The following POLR2F variants were observed in gnomAD, a reference collection of about 807,000 sequenced individuals.
POLR2F encodes RNA polymerase II, I and III subunit F.
A neutral mutation model predicts 22.7 loss-of-function variants in POLR2F; 12 were observed. That is an observed-to-expected ratio of 0.53 (90% CI 0.34 to 0.86). POLR2F has a LOEUF of 0.86. Ranked by LOEUF, POLR2F falls within the 40% of genes least tolerant of loss-of-function variation. The probability of loss-of-function intolerance (pLI) is 0.02; values close to 1 mark genes in which losing one functional copy is unlikely to be tolerated. For synonymous variants in POLR2F, 57 were observed against 66.0 expected (o/e 0.86, Z 0.66); for missense variants, 126 against 171.5 (o/e 0.73, Z 1.48).
In POLR2F at chr22:37,994,604, C is replaced by T. The variant is rs138007658; in HGVS notation, c.120+8292C>T. ...AGTGATCTCGGCTTACTGCAAGCTC[C>T]GCCCCCCGGGTTCATGCCATTCTCC... On this transcript the variant is annotated intron_variant, in intron 1 of 2. Coordinates refer to the POLR2F transcript ENST00000333418. Among the ~76,000 whole-genome samples the T allele has an allele frequency of 9.9e-3, 1,513 of 152,232 alleles. 28 individuals carry two copies. The highest frequency in any genetic ancestry group is 0.035 in the African/African-American group (1,463 of 41,526).
rs911182020 is a variant in POLR2F at position 37,980,211 on chromosome 22, C to G, written c.293+13041C>G. Among the ~76,000 whole-genome samples the G allele has an allele frequency of 1.3e-5, 2 of 152,080 alleles. No individual in the cohort carries two copies. The highest frequency in any genetic ancestry group is 4.8e-5 in the African/African-American group (2 of 41,398). On this transcript the variant is annotated intron_variant, in intron 4 of 4. Coordinates refer to the POLR2F transcript ENST00000405557. This position sits in a 1 kb window ranked among gnomAD's most constrained non-coding sequence, Gnocchi z 4.1. ...GGGCACCCTCTCTGACGGCTGGGACCAGGGGAGGGGGTGGAGCAGGCCTTG... is the reference window on the plus strand; with the variant it reads ...GGGCACCCTCTCTGACGGCTGGGACGAGGGGAGGGGGTGGAGCAGGCCTTG...
intron 4 of POLR2F, among the ~76,000 whole-genome samples, chr22:37,979,534 C>T (rs1252040809): frequency 3.3e-5 from 5 of 151,902 alleles, no homozygotes; most frequent in African/African-American, 1.2e-4. Context: ...TCCTCTTTAC[C>T]ATGGGTCTGG....
intron 1 of POLR2F, among the ~76,000 whole-genome samples, chr22:38,002,272 C>G (rs2084778614): frequency 6.6e-6 from 1 of 151,292 alleles, no homozygotes; most frequent in Non-Finnish European, 1.5e-5. Flanking sequence ...CCAAAGTATA[C>G]AAAAATAGCA....
chr22:38,018,493 A>G (rs2084933159), intron 1 of POLR2F, among the ~76,000 whole-genome samples: 1 of 152,094 alleles, frequency 6.6e-6, no homozygotes, highest in Non-Finnish European at 1.5e-5. Flanking sequence ...GGTCAGGGTC[A>G]GGCCTCAGGC....
chr22:37,983,856 G>T, upstream of POLR2F: 1 of 1,271,536 alleles, frequency 7.9e-7, no homozygotes, highest in Admixed American at 4.0e-5. The surrounding 1 kb of genome is among the most constrained non-coding windows in gnomAD (Gnocchi z 9.5). Flanking sequence ...CTCGCAAAGA[G>T]TCCAACGCCC....
At chr22:38,009,817 T>C (rs2145808378) in intron 1 of POLR2F, among the ~76,000 whole-genome samples, 1 of 152,120 alleles carries the variant, frequency 6.6e-6, no homozygotes, top group East Asian at 1.9e-4. Context: ...CATAATTGTT[T>C]TGAGATTTAT....
At chr22:37,965,003 G>A (rs1390633634) in intron 3 of POLR2F, among the ~76,000 whole-genome samples, 1 of 152,124 alleles carries the variant, frequency 6.6e-6, no homozygotes, top group African/African-American at 2.4e-5. Flanking sequence ...CAGCCATAAT[G>A]GGACTCTGCA....
At chr22:37,990,107 C>G (rs926984913) in intron 1 of POLR2F, among the ~76,000 whole-genome samples, 9 of 152,214 alleles carry the variant, frequency 5.9e-5, no homozygotes, top group African/African-American at 2.2e-4. Flanking sequence ...GGCTCACCTT[C>G]CCTGAGCCGA....
chr22:38,017,245 G>A lies in POLR2F; in HGVS notation c.121-8624G>A, dbSNP rs558601523. 5.3e-5 allele frequency among the ~76,000 whole-genome samples: 8 copies of A among 152,322 alleles called. No individual in the cohort carries two copies. Among genetic ancestry groups the A allele is most frequent in the African/African-American group, 1.9e-4 (8 of 41,574 alleles). On this transcript the variant is annotated intron_variant, in intron 1 of 2. Transcript: ENST00000333418. The surrounding 1 kb of genome is among the most constrained non-coding windows in gnomAD (Gnocchi z 4.1). ...CTCTGGGGGTTTTGGAAATGATGACGTGCCCTTCCTAGTCCTGGGTCTGTG... is the reference window on the plus strand; with the variant it reads ...CTCTGGGGGTTTTGGAAATGATGACATGCCCTTCCTAGTCCTGGGTCTGTG...
intron 1 of POLR2F, among the ~76,000 whole-genome samples, chr22:38,000,214 G>A (rs1028781991): frequency 3.9e-5 from 6 of 152,204 alleles, no homozygotes; most frequent in African/African-American, 1.2e-4. Context: ...GCGCCCCCAC[G>A]GTAGACTCTG....
intron 3 of POLR2F, 119 bp downstream of exon 3, chr22:37,959,595 T>A: frequency 8.4e-7 from 1 of 1,187,578 alleles, no homozygotes; most frequent in Non-Finnish European, 1.2e-6. Flanking sequence ...ATTCCAAAAG[T>A]GGTGCCGTCC....
downstream of POLR2F, chr22:38,041,223 C>G (rs565249954): frequency 6.7e-7 from 1 of 1,482,196 alleles, no homozygotes; most frequent in Admixed American, 1.8e-5. Flanking sequence ...AGGACACGGT[C>G]TAGACTGATG....
rs1931909157 is a variant in POLR2F at position 37,967,638 on chromosome 22, C to T, written c.307C>T (p.Pro103Ser). ...CCCCTGCCACAGGGCCCGAAAGATC[C>T]CCATCATCATTCGCCGTTACCTGCC... ...AMKELKARKI[P>S]IIIRRYLPDG... Residue 103 changes from proline to serine, a missense_variant, in exon 5 of 5, where the codon CCC (proline) becomes TCC (serine). Physicochemically the swap from Pro to Ser is moderately conservative, Grantham distance 74 (BLOSUM62 -1). Transcript: ENST00000442738. 1 of 1,613,868 alleles carries T rather than the reference C, an allele frequency of 6.2e-7. No individual in the cohort carries two copies.
chr22:37,971,432 A>G (rs910254754), downstream of POLR2F: 6 of 396,374 alleles, frequency 1.5e-5, no homozygotes. Flanking sequence ...ACTTCCAACC[A>G]TCGGAGTTGT....
Position 38,016,483 on chromosome 22 carries a change from T to TA in POLR2F, c.121-9385dup, listed in dbSNP as rs886460882. ...CGAGGGATGTGAGGAAGGGGCCCTT[T>TA]AGCCATGATGCCCTCTGACCTTTCA... On this transcript the variant is annotated intron_variant, in intron 1 of 2. Transcript: ENST00000333418. This position sits in a 1 kb window ranked among gnomAD's most constrained non-coding sequence, Gnocchi z 4.4. Among the ~76,000 whole-genome samples the TA allele has an allele frequency of 1.2e-4, 18 of 152,216 alleles. No homozygotes were observed. The highest frequency in any genetic ancestry group is 4.3e-4 in the African/African-American group (18 of 41,448).
chr22:38,001,530 A>C (rs2084769923), intron 1 of POLR2F, among the ~76,000 whole-genome samples: 1 of 152,062 alleles, frequency 6.6e-6, no homozygotes, highest in African/African-American at 2.4e-5. Flanking sequence ...CCTGGACTAT[A>C]GAGTTGCTTT....
chr22:38,007,914 C>G (rs2084836828), intron 1 of POLR2F, among the ~76,000 whole-genome samples: 1 of 152,110 alleles, frequency 6.6e-6, no homozygotes, highest in Admixed American at 6.5e-5. Flanking sequence ...AGAGCTCTGC[C>G]ACGGCAGGCC....
intron 1 of POLR2F, among the ~76,000 whole-genome samples, chr22:37,956,373 A>G (rs1931398440): frequency 1.3e-5 from 2 of 151,854 alleles, no homozygotes; most frequent in South Asian, 4.1e-4. Context: ...CAGAGCCACA[A>G]TACAAAGCCA....
chr22:37,983,206 G>A, upstream of POLR2F: 3 of 928,296 alleles, frequency 3.2e-6, no homozygotes, highest in Non-Finnish European at 5.0e-6. The surrounding 1 kb of genome is among the most constrained non-coding windows in gnomAD (Gnocchi z 9.5). Context: ...ATGGAAGGGC[G>A]GGCGCGGCCC....
Sources: gnomAD v4.1 joint callset for allele counts (sites outside exome capture counted in the v4.1 genomes callset) on GRCh38, gnomAD v4.1.1 for gene constraint, Gnocchi (gnomAD v3.1) non-coding constraint, MANE v1.5 for transcripts, NCBI Gene and HGNC (gene_info 2026-07-23, HGNC 2026-07-21) for gene names.